Variants in CHD6 observed in about 807,000 individuals in gnomAD.
The protein encoded by CHD6 is chromodomain helicase DNA binding protein 6.
A neutral mutation model predicts 276.9 loss-of-function variants in CHD6; 50 were observed. The ratio of observed to expected loss-of-function variants is 0.18; its 90% CI spans 0.14 to 0.23. CHD6 has a LOEUF of 0.23. Among genes scored for constraint, CHD6 ranks in the 10% least tolerant of loss-of-function variants. CHD6 has a pLI of 1.00. For missense variants in CHD6, 2,564 were observed against 3,365.8 expected (o/e 0.76, Z 5.89); for synonymous variants, 1,173 against 1,229.3 (o/e 0.95, Z 0.96).
chr20:41,499,361 G>T lies in CHD6; in HGVS notation c.853-4C>A. The T allele has an allele frequency of 1.9e-6, 3 of 1,589,178 alleles. No individual in the cohort carries two copies. The highest frequency in any genetic ancestry group is 2.3e-5 in the East Asian group (1 of 43,932). On this transcript the variant is annotated splice_region_variant and splice_polypyrimidine_tract_variant and intron_variant, in intron 5 of 36. Transcript: ENST00000373233. Reference sequence around the variant, plus strand: ...TTGCATCATCTTCTGGAGGCTCCTGGGGACAAAGATAAAAAAAAAAGAAAA... The same window carrying T: ...TTGCATCATCTTCTGGAGGCTCCTGTGGACAAAGATAAAAAAAAAAGAAAA...
At chr20:41,503,232 G>A (rs2043881661) in intron 5 of CHD6, among the ~76,000 whole-genome samples, 3 of 152,030 alleles carry the variant, frequency 2.0e-5, no homozygotes, top group Admixed American at 2.0e-4. Context: ...ATACGTATTT[G>A]CATATTGTCT....
intron 27 of CHD6, among the ~76,000 whole-genome samples, chr20:41,433,720 C>T (rs370195240): frequency 2.0e-5 from 3 of 151,380 alleles, no homozygotes; most frequent in Non-Finnish European, 4.4e-5. Context: ...TTTTCCTTCT[C>T]CTCTTGAGTT....
chr20:41,493,543 G>T lies in CHD6; in HGVS notation c.1309C>A (p.His437Asn), dbSNP rs2043608111. ...ESLQVLPEIKHVERPASDSWQ... is the reference protein window; with the variant it reads ...ESLQVLPEIKNVERPASDSWQ... ...GAGAGACAAAACTACTTTACCACAT[G>T]CTTAATTTCAGGGAGAACTTGAAGA... Residue 437 changes from histidine (H) to asparagine (N), a missense_variant, in exon 10 of 37, where the codon CAT becomes AAT. By Grantham distance (68) the His-to-Asn change is moderately conservative (BLOSUM62 1). Coordinates refer to ENST00000373233, the MANE Select transcript of CHD6 (RefSeq NM_032221.5). 6.2e-6 allele frequency: 10 copies of T among 1,613,574 alleles called. No homozygotes were observed. The highest frequency in any genetic ancestry group is 8.5e-6 in the Non-Finnish European group (10 of 1,179,698).
chr20:41,505,782 C>T (rs2043962808), intron 5 of CHD6, among the ~76,000 whole-genome samples: 1 of 152,130 alleles, frequency 6.6e-6, no homozygotes. Flanking sequence ...CATCATCCAG[C>T]TCAGAACCTC....
At chr20:41,494,771 G>A (rs561625297) in intron 8 of CHD6, among the ~76,000 whole-genome samples, 2 of 152,230 alleles carry the variant, frequency 1.3e-5, no homozygotes, top group African/African-American at 4.8e-5. Context: ...ATCAATGCAG[G>A]ATACTTTTTA....
In CHD6 at chr20:41,592,607, C is replaced by T. The variant is rs528825237; in HGVS notation, c.-24+25733G>A. On this transcript the variant is annotated intron_variant, in intron 1 of 36. Coordinates refer to ENST00000373233, the MANE Select transcript of CHD6 (RefSeq NM_032221.5). Reference sequence around the variant, plus strand: ...ACAAATAGAAACTGGAGCTACCATGCACACTACATTTGCTGCTGTTCAAAG... The same window carrying T: ...ACAAATAGAAACTGGAGCTACCATGTACACTACATTTGCTGCTGTTCAAAG... Among the ~76,000 whole-genome samples the T allele has an allele frequency of 1.4e-4, 22 of 152,304 alleles. No homozygotes were observed. The South Asian group carries it at 3.5e-3, about 24-fold the overall frequency.
chr20:41,434,652 G>A (rs2047650741), intron 27 of CHD6, among the ~76,000 whole-genome samples: 1 of 152,214 alleles, frequency 6.6e-6, no homozygotes, highest in Non-Finnish European at 1.5e-5. Flanking sequence ...CTACAGGCAT[G>A]AGTCACCGCG....
chr20:41,448,072 T>C (rs1007869876), intron 23 of CHD6, 101 bp from the exon 24 acceptor site: 6 of 584,966 alleles, frequency 1.0e-5, no homozygotes, highest in Non-Finnish European at 1.5e-5. Context: ...CATTCCCATG[T>C]AGTTAATATT....
intron 1 of CHD6, among the ~76,000 whole-genome samples, chr20:41,579,514 A>AC (rs2146228839): frequency 6.6e-6 from 1 of 151,696 alleles, no homozygotes; most frequent in East Asian, 1.9e-4. Flanking sequence ...AAGTCTGGCC[A>AC]CCGTCCATGA....
Position 41,452,716 on chromosome 20 carries a change from A to G in CHD6, c.3323+24T>C, listed in dbSNP as rs1364012600. On this transcript the variant is annotated intron_variant, in intron 21 of 36. Transcript: ENST00000373233. This position sits in a 1 kb window ranked among gnomAD's most constrained non-coding sequence, Gnocchi z 4.2. ...AGGGGAACAAACAACAATAACAACA[A>G]AACTAAGCAGAGCCAATACCCACCC... is the stretch of plus-strand genomic sequence containing the variant. 6.2e-7 allele frequency: 1 copy of G among 1,603,436 alleles called. No individual in the cohort carries two copies. Among genetic ancestry groups the G allele is most frequent in the Non-Finnish European group, 8.5e-7 (1 of 1,173,510 alleles).
intron 16 of CHD6, among the ~76,000 whole-genome samples, chr20:41,475,372 A>C (rs2043145672): frequency 6.6e-6 from 1 of 152,226 alleles, no homozygotes; most frequent in African/African-American, 2.4e-5. Flanking sequence ...ATTTGACTTA[A>C]AGCTTTCACA....
chr20:41,564,680 A>T (rs889316586), intron 1 of CHD6, among the ~76,000 whole-genome samples: 16 of 152,352 alleles, frequency 1.1e-4, no homozygotes, highest in Non-Finnish European at 1.9e-4. Context: ...TAAAATTTTT[A>T]AAAATCTTAC....
At chr20:41,513,713 G>A (rs2044176988) in intron 4 of CHD6, among the ~76,000 whole-genome samples, 1 of 152,062 alleles carries the variant, frequency 6.6e-6, no homozygotes, top group African/African-American at 2.4e-5. Context: ...CTCAACAGTA[G>A]AATCACTTCA....
At chr20:41,436,985 T>C (rs867582310) in intron 27 of CHD6, among the ~76,000 whole-genome samples, 2 of 152,170 alleles carry the variant, frequency 1.3e-5, no homozygotes, top group Non-Finnish European at 1.5e-5. Context: ...TGTACTACAA[T>C]ACTGCAAGAC....
At chr20:41,600,391 T>C (rs946220594) in intron 1 of CHD6, among the ~76,000 whole-genome samples, 2 of 152,176 alleles carry the variant, frequency 1.3e-5, no homozygotes. Flanking sequence ...AAAACTAATC[T>C]TTGTGACAGA....
chr20:41,416,664 C>T lies in CHD6; in HGVS notation c.6410G>A (p.Arg2137Gln), dbSNP rs745858868. The change falls in exon 33 of 37, where the codon CGA becomes CAA. Residue 2137 changes from arginine (R) to glutamine (Q), a missense_variant. Arg to Gln is a conservative substitution (Grantham distance 43). Coordinates refer to ENST00000373233, the MANE Select transcript of CHD6 (RefSeq NM_032221.5). ...TPVLTSSAGS[R>Q]TSLSEPEAAE... ...TGCTTCCGGCTCTGAGAGGCTGGTT[C>T]GAGAACCAGCACTGCTGGTTAATAC... 25 of 1,613,916 alleles carry T rather than the reference C, an allele frequency of 1.5e-5. No homozygotes were observed. Among genetic ancestry groups the T allele is most frequent in the African/African-American group, 2.7e-5 (2 of 74,916 alleles).
rs370292471 is a variant in CHD6 at position 41,417,286 on chromosome 20, A to G, written c.6191T>C (p.Ile2064Thr). Residue 2064 changes from isoleucine to threonine, a missense_variant, in exon 32 of 37, where the codon ATT becomes ACT. Transcript: ENST00000373233. Reference sequence around the variant, plus strand: ...TCGAGCCTCCTGTAGCTCATCCCCAATGTCTCCTGTGATGCCCGATGTTGA... The same window carrying G: ...TCGAGCCTCCTGTAGCTCATCCCCAGTGTCTCCTGTGATGCCCGATGTTGA... ...KSSTSGITGD[I>T]GDELQEARAP... is the part of the protein sequence containing the mutation. The G allele has an allele frequency of 5.1e-5, 82 of 1,614,128 alleles. 2 individuals carry two copies. Among genetic ancestry groups the G allele is most frequent in the South Asian group, 3.0e-4 (27 of 91,080 alleles).
In CHD6 at chr20:41,547,423, T is replaced by C. The variant is rs1376618777; in HGVS notation, c.33+3882A>G. 3 of 247,246 alleles carry C rather than the reference T, an allele frequency of 1.2e-5. No individual in the cohort carries two copies. The Admixed American group carries it at 1.4e-4, about 12-fold the overall frequency. 15.3% of individuals were successfully genotyped at this position (247,246 alleles called of 1,614,324 possible). A position where few individuals can be genotyped will look rare whatever the true frequency, so the allele number is the denominator to read the frequency against. On this transcript the variant is annotated intron_variant, in intron 2 of 36. Coordinates refer to ENST00000373233, the MANE Select transcript of CHD6 (RefSeq NM_032221.5). Reference sequence around the variant, plus strand: ...CATCTGACACAAGCTGCCTCCACCATGCTGCTGAAGTTTGACCCCAATGAG... The same window carrying C: ...CATCTGACACAAGCTGCCTCCACCACGCTGCTGAAGTTTGACCCCAATGAG...
At chr20:41,569,818 A>G (rs985670957) in intron 1 of CHD6, among the ~76,000 whole-genome samples, 1 of 152,236 alleles carries the variant, frequency 6.6e-6, no homozygotes, top group Non-Finnish European at 1.5e-5. Context: ...GATTTAAAGT[A>G]TATGGGAGGA....
Sources: allele counts gnomAD v4.1 joint callset (sites outside exome capture counted in the v4.1 genomes callset), GRCh38; gene constraint gnomAD v4.1.1; non-coding constraint Gnocchi (gnomAD v3.1); transcripts MANE v1.5; gene names NCBI Gene and HGNC (gene_info 2026-07-23, HGNC 2026-07-21).